The following CFAP57 variants were observed in gnomAD, a reference collection of about 807,000 sequenced individuals.
CFAP57 encodes cilia and flagella associated protein 57, also known as cilia- and flagella-associated protein 57.
Under a neutral mutation model 146.8 loss-of-function variants are expected in CFAP57, and 116 were observed. The ratio of observed to expected loss-of-function variants is 0.79; its 90% confidence interval spans 0.68 to 0.92. The LOEUF (loss-of-function observed/expected upper bound fraction) is 0.92. Among genes scored for constraint, CFAP57 ranks in the 40% least tolerant of loss-of-function variants. CFAP57 has a pLI of 0.00. For synonymous variants in CFAP57, 518 were observed against 552.8 expected (o/e 0.94, Z 0.88); for missense variants, 1,377 against 1,527.2 (o/e 0.90, Z 1.64).
intron 17 of CFAP57, among the ~76,000 whole-genome samples, chr1:43,226,127 C>T (rs1460576830): frequency 3.9e-5 from 6 of 152,306 alleles, no homozygotes; most frequent in East Asian, 1.9e-4. Context: ...GAGCCAAGAT[C>T]GTGCCACTGC....
intron 10 of CFAP57, among the ~76,000 whole-genome samples, chr1:43,208,364 G>A (rs1644445410): frequency 6.6e-6 from 1 of 152,098 alleles, no homozygotes; most frequent in Admixed American, 6.5e-5. Flanking sequence ...TGTTTATTGT[G>A]GCACTATTCA....
chr1:43,254,179 G>A lies in CFAP57; in HGVS notation c.3741G>A (p.Val1247=). 1.9e-6 allele frequency: 3 copies of A among 1,548,382 alleles called. No homozygotes were observed. The highest frequency in any genetic ancestry group is 2.7e-5 in the African/African-American group (2 of 73,034). ...SLSNSEVDLE[V]KTN ...CCAACTCCGAGGTAGACTTAGAGGT[G>A]AAGACCAACTGACCCCCTCTGGTGA... is the stretch of plus-strand genomic sequence containing the variant. Residue 1247 remains valine, a synonymous_variant, in exon 23 of 23, where the codon GTG becomes GTA. Coordinates refer to ENST00000372492, the MANE Select transcript of CFAP57 (RefSeq NM_001378189.1).
chr1:43,181,671 GTTC>G lies in CFAP57; in HGVS notation c.298_300del (p.Leu100del). 6.2e-7 allele frequency: 1 copy of G among 1,614,156 alleles called. No homozygotes were observed. Among genetic ancestry groups the G allele is most frequent in the Non-Finnish European group, 8.5e-7 (1 of 1,180,026 alleles). On this transcript the variant is annotated inframe_deletion, in exon 3 of 23. Transcript: ENST00000372492. ...ATCCATCCCTTGCCGGAAGCGCAAA[GTTC>G]TTAATAATTTTGACTTCCAAGTTCA...
At position 43,233,644 on chromosome 1, in the gene CFAP57, T is replaced by C. The variant is rs148267457; in HGVS notation, c.3127-635T>C. 2.6e-3 allele frequency among the ~76,000 whole-genome samples: 396 copies of C among 152,278 alleles called. 2 individuals are homozygous for C. The highest frequency in any genetic ancestry group is 0.016 in the South Asian group (76 of 4,824). On this transcript the variant is annotated intron_variant, in intron 19 of 22. Coordinates refer to ENST00000372492, the MANE Select transcript of CFAP57 (RefSeq NM_001378189.1). ...AGGATGACTGGTGATTTGTGGCATG[T>C]GCATAATAGTTATATTGAGAGGTAG... is the stretch of plus-strand genomic sequence containing the variant.
At position 43,172,343 on chromosome 1, in the gene CFAP57, C is replaced by T. The variant is rs1385854024; in HGVS notation, c.-130C>T. ...GCGGCAAACCATACTTCCGGTTTGT[C>T]GTTGCTATAGGAACCGCTACGGCGT... On this transcript the variant is annotated 5_prime_UTR_variant, in exon 1 of 23. Transcript: ENST00000372492. 1.3e-6 allele frequency: 2 copies of T among 1,551,466 alleles called. No homozygotes were observed.
chr1:43,219,851 C>T (rs965906835), intron 13 of CFAP57, among the ~76,000 whole-genome samples: 3 of 152,222 alleles, frequency 2.0e-5, no homozygotes, highest in East Asian at 1.9e-4. Flanking sequence ...CCCAGCTACT[C>T]GGGAGGTTGA....
intron 18 of CFAP57, among the ~76,000 whole-genome samples, chr1:43,231,703 A>G (rs996567845): frequency 5.4e-5 from 6 of 111,738 alleles, no homozygotes; most frequent in South Asian, 2.9e-4. Flanking sequence ...AAAATACAAA[A>G]AAAAAAAAAA....
chr1:43,225,223 C>T (rs1478499438), intron 17 of CFAP57, among the ~76,000 whole-genome samples: 2 of 152,200 alleles, frequency 1.3e-5, no homozygotes, highest in Non-Finnish European at 2.9e-5. Flanking sequence ...TCTCCCACCA[C>T]CATGGACTGG....
rs150036732 is a variant in CFAP57 at position 43,183,660 on chromosome 1, T to C, written c.544T>C (p.Phe182Leu). 1.9e-6 allele frequency: 3 copies of C among 1,614,234 alleles called. No homozygotes were observed. The African/African-American group carries it at 4.0e-5, about 22-fold the overall frequency. The change falls in exon 4 of 23, where the codon TTT (phenylalanine) becomes CTT (leucine). Residue 182 changes from phenylalanine to leucine, a missense_variant. Coordinates refer to ENST00000372492, the MANE Select transcript of CFAP57 (RefSeq NM_001378189.1). The stretch of plus-strand genomic sequence containing the variant: ...AAATGGGATGTTTAAGCTTCTCCGT[T>C]TTGCTGAGGGAACCCTGAAGCAAAC... ...TGNGMFKLLR[F>L]AEGTLKQTSF...
intron 9 of CFAP57, among the ~76,000 whole-genome samples, chr1:43,203,171 T>TCAAAACAAAA (rs142683756): frequency 8.6e-5 from 13 of 151,594 alleles, no homozygotes; most frequent in East Asian, 5.8e-4. Context: ...AGACTCTGCC[T>TCAAAACAAAA]CAAAACAAAA....
At chr1:43,242,859 T>TTA (rs759105384) in intron 21 of CFAP57, among the ~76,000 whole-genome samples, 116 of 151,692 alleles carry the variant, frequency 7.6e-4, no homozygotes, top group African/African-American at 1.8e-3. Flanking sequence ...AGCCATATAA[T>TTA]TATATATATA....
chr1:43,173,249 C>T lies in CFAP57; in HGVS notation c.157+339C>T, dbSNP rs534136872. Reference sequence around the variant, plus strand: ...AGTTGTCTAACAGTTTTCCTGAGCACACCACCTTCATTATATCACCGTTTG... The same window carrying T: ...AGTTGTCTAACAGTTTTCCTGAGCATACCACCTTCATTATATCACCGTTTG... On this transcript the variant is annotated intron_variant, in intron 2 of 22. Coordinates refer to ENST00000372492, the MANE Select transcript of CFAP57 (RefSeq NM_001378189.1). 5.9e-5 allele frequency among the ~76,000 whole-genome samples: 9 copies of T among 152,324 alleles called. No homozygotes were observed. In the South Asian group the frequency reaches 1.9e-3, roughly 32 times the overall value.
chr1:43,172,374 A>C lies in CFAP57; in HGVS notation c.-99A>C. The C allele has an allele frequency of 6.4e-7, 1 of 1,551,476 alleles. No homozygotes were observed. The highest frequency in any genetic ancestry group is 1.2e-5 in the South Asian group (1 of 84,048). ...TATAGGAACCGCTACGGCGTTTGAA[A>C]GTGTCCGGGTTGCTTAGGATCCCTA... On this transcript the variant is annotated 5_prime_UTR_variant, in exon 1 of 23. Coordinates refer to ENST00000372492, the MANE Select transcript of CFAP57 (RefSeq NM_001378189.1).
Position 43,215,278 on chromosome 1 carries a change from G to A in CFAP57, c.1953G>A (p.Gln651=). The change falls in exon 12 of 23, where the codon CAG becomes CAA. Residue 651 remains glutamine (Q), a synonymous_variant. Transcript: ENST00000372492. Reference sequence around the variant, plus strand: ...AGATGTTGCTTACCTTTGATGATCAGTTCCTGCTGACTGCTGCTGAGGATG... The same window carrying A: ...AGATGTTGCTTACCTTTGATGATCAATTCCTGCTGACTGCTGCTGAGGATG... ...ITKMLLTFDD[Q]FLLTAAEDGC... is the part of the protein sequence containing the mutation. 6.4e-7 allele frequency: 1 copy of A among 1,551,246 alleles called. No homozygotes were observed.
rs569182948 is a variant in CFAP57 at position 43,252,279 on chromosome 1, T to C, written c.3539-1698T>C. ...CATAAGAAGATGGGTGAGAAACTGT[T>C]TGTGTCAATCTTGGCTCTGGATGAA... On this transcript the variant is annotated intron_variant, in intron 22 of 22. Transcript: ENST00000372492. Among the ~76,000 whole-genome samples, 3 of 152,200 alleles carry C rather than the reference T, an allele frequency of 2.0e-5. No homozygotes were observed. In the South Asian group the frequency reaches 6.2e-4, roughly 32 times the overall value.
At chr1:43,240,543 TAAAGCATTCG>T (rs1400569351) in intron 21 of CFAP57, among the ~76,000 whole-genome samples, 2 of 152,110 alleles carry the variant, frequency 1.3e-5, no homozygotes, top group Non-Finnish European at 2.9e-5. Flanking sequence ...GTTCAAAGGG[TAAAGCATTCG>T]ATGGAGAAAA....
chr1:43,227,330 G>A (rs1645285335), intron 18 of CFAP57, among the ~76,000 whole-genome samples: 1 of 152,242 alleles, frequency 6.6e-6, no homozygotes, highest in Admixed American at 6.5e-5. Flanking sequence ...CAAATCGCTT[G>A]GGAGTTAACT....
intron 8 of CFAP57, 145 bp downstream of exon 8, chr1:43,198,791 T>A: frequency 1.2e-6 from 1 of 810,372 alleles, no homozygotes; most frequent in Non-Finnish European, 2.0e-6. Context: ...AAGGAGGAAA[T>A]CCAGTTATTT....
At chr1:43,236,723 C>T (rs1198627201) in intron 21 of CFAP57, among the ~76,000 whole-genome samples, 1 of 149,590 alleles carries the variant, frequency 6.7e-6, no homozygotes, top group African/African-American at 2.5e-5. Context: ...TCCTGGCTAA[C>T]ACGGTGAAAC....
Sources: allele counts gnomAD v4.1 joint callset (sites outside exome capture counted in the v4.1 genomes callset), GRCh38; gene constraint gnomAD v4.1.1; transcripts MANE v1.5; gene names NCBI Gene and HGNC (gene_info 2026-07-23, HGNC 2026-07-21).